Variants in ANKS1B observed in about 807,000 individuals in gnomAD.
ANKS1B encodes the protein ankyrin repeat and sterile alpha motif domain containing 1B.
In ANKS1B, 36 loss-of-function variants were observed where a neutral mutation model predicts 148.3. That is an observed-to-expected ratio of 0.24 (90% CI 0.19 to 0.32). ANKS1B has a LOEUF of 0.32. Ranked by LOEUF, ANKS1B falls within the 10% of genes least tolerant of loss-of-function variation. ANKS1B has a pLI of 1.00. For missense variants in ANKS1B, 1,157 were observed against 1,542.6 expected (o/e 0.75, Z 4.19); for synonymous variants, 542 against 560.8 (o/e 0.97, Z 0.47).
At chr12:99,951,804 T>G (rs2095229616) in intron 1 of ANKS1B, among the ~76,000 whole-genome samples, 1 of 151,836 alleles carries the variant, frequency 6.6e-6, no homozygotes, top group Non-Finnish European at 1.5e-5. Context: ...GAAGATCACT[T>G]GAGCCCAGCA....
At chr12:99,892,840 A>G (rs2093182839) in intron 1 of ANKS1B, among the ~76,000 whole-genome samples, 1 of 152,210 alleles carries the variant, frequency 6.6e-6, no homozygotes, top group Non-Finnish European at 1.5e-5. Flanking sequence ...GAAGAAAATA[A>G]GTAAAAGTCT....
At chr12:99,971,392 AACACACTC>A (rs1480683096) in intron 1 of ANKS1B, among the ~76,000 whole-genome samples, 3 of 152,128 alleles carry the variant, frequency 2.0e-5, no homozygotes, top group Non-Finnish European at 4.4e-5. Context: ...GCTTCCCCCA[AACACACTC>A]CCACTCACTG....
At chr12:99,693,187 G>A (rs1022095762) in intron 8 of ANKS1B, among the ~76,000 whole-genome samples, 1 of 152,008 alleles carries the variant, frequency 6.6e-6, no homozygotes, top group African/African-American at 2.4e-5. Flanking sequence ...TCAAGAAAGA[G>A]AAAACAATCA....
intron 8 of ANKS1B, among the ~76,000 whole-genome samples, chr12:99,664,481 G>A (rs1460036910): frequency 6.6e-6 from 1 of 152,062 alleles, no homozygotes; most frequent in Admixed American, 6.6e-5. Flanking sequence ...GTAGATGTAT[G>A]TAGAATCCTC....
intron 12 of ANKS1B, among the ~76,000 whole-genome samples, chr12:99,388,461 T>C (rs769239643): frequency 2.8e-4 from 42 of 152,194 alleles, no homozygotes; most frequent in Non-Finnish European, 4.3e-4. Context: ...ATCAAGGGAC[T>C]GGTATTGATG....
chr12:99,948,653 C>G (rs1444549000), intron 1 of ANKS1B, among the ~76,000 whole-genome samples: 3 of 152,122 alleles, frequency 2.0e-5, no homozygotes, highest in African/African-American at 7.2e-5. Flanking sequence ...TAGTTCCCAT[C>G]AAAGGAAAAA....
intron 9 of ANKS1B, among the ~76,000 whole-genome samples, chr12:99,526,436 T>C (rs927507511): frequency 5.9e-5 from 9 of 152,132 alleles, no homozygotes; most frequent in African/African-American, 2.2e-4. Context: ...TTACTCTATC[T>C]AAAAAATGCT....
intron 12 of ANKS1B, among the ~76,000 whole-genome samples, chr12:99,347,816 A>G (rs73149189): frequency 0.13 from 19,086 of 151,954 alleles, 1,271 homozygotes; most frequent in African/African-American, 0.17. Flanking sequence ...AAAAAATAAT[A>G]AAGTGTGGCC....
At chr12:99,982,467 TA>T (rs1400110810) in intron 1 of ANKS1B, among the ~76,000 whole-genome samples, 1 of 152,216 alleles carries the variant, frequency 6.6e-6, no homozygotes, top group Admixed American at 6.5e-5. Context: ...TGTTCTCAAA[TA>T]ATTCCTCATG....
chr12:98,879,513 C>T (rs1398937187), intron 17 of ANKS1B, among the ~76,000 whole-genome samples: 1 of 152,194 alleles, frequency 6.6e-6, no homozygotes, highest in Admixed American at 6.5e-5. Context: ...ATTTTAATAA[C>T]ACTGGCATGT....
chr12:99,211,284 C>T (rs2083311150), intron 14 of ANKS1B, among the ~76,000 whole-genome samples: 1 of 152,162 alleles, frequency 6.6e-6, no homozygotes, highest in Non-Finnish European at 1.5e-5. Flanking sequence ...GCCACATCAC[C>T]AAGCCGAAAG....
chr12:99,413,326 A>G (rs753608963), intron 11 of ANKS1B, among the ~76,000 whole-genome samples: 7 of 152,182 alleles, frequency 4.6e-5, no homozygotes, highest in Non-Finnish European at 8.8e-5. Flanking sequence ...TAAAACACAA[A>G]TCTAGTGAAT....
chr12:99,229,023 T>C (rs900121771), intron 14 of ANKS1B, among the ~76,000 whole-genome samples: 3 of 151,968 alleles, frequency 2.0e-5, no homozygotes, highest in Non-Finnish European at 4.4e-5. Context: ...GAAAATAAAA[T>C]TAATGTATAC....
intron 17 of ANKS1B, among the ~76,000 whole-genome samples, chr12:98,860,837 C>G (rs944036827): frequency 2.0e-5 from 3 of 152,080 alleles, no homozygotes; most frequent in African/African-American, 7.2e-5. Context: ...ACCTATGTAA[C>G]AAATCTGCAA....
At chr12:99,558,214 A>AC (rs1474477315) in intron 9 of ANKS1B, among the ~76,000 whole-genome samples, 3 of 152,068 alleles carry the variant, frequency 2.0e-5, no homozygotes, top group Non-Finnish European at 4.4e-5. Context: ...ATGCATGCTC[A>AC]CATTGGTGAC....
intron 12 of ANKS1B, among the ~76,000 whole-genome samples, chr12:99,359,767 T>G (rs2092331886): frequency 6.6e-6 from 1 of 152,160 alleles, no homozygotes; most frequent in Non-Finnish European, 1.5e-5. Flanking sequence ...ACAGTATTTT[T>G]AATCTTTATA....
At chr12:99,473,424 G>T (rs1473627446) in intron 10 of ANKS1B, among the ~76,000 whole-genome samples, 1 of 151,932 alleles carries the variant, frequency 6.6e-6, no homozygotes, top group East Asian at 1.9e-4. Context: ...ATCCGTGAGA[G>T]ACTTAAAGTT....
At chr12:99,221,232 C>A (rs1282012148) in intron 14 of ANKS1B, among the ~76,000 whole-genome samples, 1 of 151,886 alleles carries the variant, frequency 6.6e-6, no homozygotes, top group South Asian at 2.1e-4. Flanking sequence ...CCCAGCTACT[C>A]GGGAGGCTGA....
chr12:99,268,434 A>T (rs7969319), intron 12 of ANKS1B, among the ~76,000 whole-genome samples: 48,495 of 152,016 alleles, frequency 0.32, 9,228 homozygotes, highest in African/African-American at 0.54. Flanking sequence ...TGAAAATCAG[A>T]CCGGCTAAGT....
Sources: allele counts gnomAD v4.1 joint callset (sites outside exome capture counted in the v4.1 genomes callset), GRCh38; gene constraint gnomAD v4.1.1; transcripts MANE v1.5; gene names NCBI Gene and HGNC (gene_info 2026-07-23, HGNC 2026-07-21).